Variants in SPAG16 observed in about 807,000 individuals in gnomAD.
The protein encoded by SPAG16 is sperm associated antigen 16.
In SPAG16, 86 loss-of-function variants were observed where a neutral mutation model predicts 80.4. The observed-to-expected ratio is 1.07, with a 90% CI of 0.90 to 1.28. The LOEUF is 1.28. Among genes scored for constraint, SPAG16 ranks in the 50% most tolerant of loss-of-function variants. SPAG16 has a pLI of 0.00. For missense variants in SPAG16, 870 were observed against 765.3 expected, an observed-to-expected ratio of 1.14 and a Z score of -1.61; for synonymous variants, 294 against 265.9, an observed-to-expected ratio of 1.11 and a Z score of -1.03.
chr2:213,310,458 C>T (rs1438146605), intron 4 of SPAG16, among the ~76,000 whole-genome samples: 2 of 151,764 alleles, frequency 1.3e-5, no homozygotes, highest in Admixed American at 6.6e-5. Flanking sequence ...AAAATCAAGA[C>T]ACTTGAATAT....
At chr2:213,946,411 C>A (rs2079476143) in intron 12 of SPAG16, among the ~76,000 whole-genome samples, 1 of 152,032 alleles carries the variant, frequency 6.6e-6, no homozygotes, top group Non-Finnish European at 1.5e-5. Flanking sequence ...CTGTGCCCGG[C>A]CTGTTGGGGA....
At chr2:213,738,607 A>G (rs1049582818) in intron 10 of SPAG16, among the ~76,000 whole-genome samples, 9 of 152,240 alleles carry the variant, frequency 5.9e-5, no homozygotes, top group Non-Finnish European at 4.4e-5. Context: ...CAGAGGTGCC[A>G]TAAGACATTA....
Position 214,384,032 on chromosome 2 carries a change from G to A in SPAG16, c.1721-26108G>A, listed in dbSNP as rs866778335. On this transcript the variant is annotated intron_variant, in intron 15 of 15. Transcript: ENST00000331683. Reference sequence around the variant, plus strand: ...ATATTTAAGACACTGGACCCAGAACGCTTATGATAGCATTGTTATTTTGAA... The same window carrying A: ...ATATTTAAGACACTGGACCCAGAACACTTATGATAGCATTGTTATTTTGAA... Among the ~76,000 whole-genome samples, 38 of 152,236 alleles carry A rather than the reference G, an allele frequency of 2.5e-4. No individual in the cohort carries two copies. The Middle Eastern group carries it at 0.02, about 82-fold the overall frequency.
At chr2:213,964,985 T>C (rs977032866) in intron 12 of SPAG16, among the ~76,000 whole-genome samples, 1 of 152,254 alleles carries the variant, frequency 6.6e-6, no homozygotes, top group Admixed American at 6.5e-5. Context: ...TTGGGTCCTT[T>C]CTCTTGCCAT....
At chr2:214,375,805 A>T (rs1464210713) in intron 15 of SPAG16, among the ~76,000 whole-genome samples, 1 of 152,082 alleles carries the variant, frequency 6.6e-6, no homozygotes, top group African/African-American at 2.4e-5. Flanking sequence ...ACATATCTAC[A>T]GTTGGTAATG....
intron 15 of SPAG16, among the ~76,000 whole-genome samples, chr2:214,230,619 A>G (rs1351734411): frequency 6.6e-6 from 1 of 152,036 alleles, no homozygotes; most frequent in Non-Finnish European, 1.5e-5. Flanking sequence ...GCAGGGAATT[A>G]AAATGCACCT....
intron 9 of SPAG16, among the ~76,000 whole-genome samples, chr2:213,473,750 C>G: frequency 6.6e-6 from 1 of 152,206 alleles, no homozygotes; most frequent in East Asian, 1.9e-4. Flanking sequence ...TATTATCCCA[C>G]ACCCTTAATA....
chr2:213,434,781 C>A (rs1394160904), intron 9 of SPAG16, among the ~76,000 whole-genome samples: 1 of 152,002 alleles, frequency 6.6e-6, no homozygotes, highest in Non-Finnish European at 1.5e-5. Context: ...CAGAATATGG[C>A]CAGTTATAAA....
chr2:214,164,917 A>G lies in SPAG16; in HGVS notation c.1720+15651A>G, dbSNP rs535353510. Among the ~76,000 whole-genome samples the G allele has an allele frequency of 1.5e-4, 23 of 152,244 alleles. 1 individual carries two copies. The highest frequency in any genetic ancestry group is 5.5e-4 in the African/African-American group (23 of 41,580). On this transcript the variant is annotated intron_variant, in intron 15 of 15. Coordinates refer to ENST00000331683, the MANE Select transcript of SPAG16 (RefSeq NM_024532.5). The stretch of plus-strand genomic sequence containing the variant: ...AGACAGCAATTAATAATATCATGTA[A>G]TGAAAAATTTTGTAAACTACTCTTA...
intron 13 of SPAG16, among the ~76,000 whole-genome samples, chr2:214,033,605 A>C (rs764139621): frequency 2.0e-5 from 3 of 152,208 alleles, no homozygotes; most frequent in Non-Finnish European, 4.4e-5. Context: ...ATTTAGACAT[A>C]GGTCCAGTCT....
chr2:214,362,592 T>G (rs1032062764), intron 15 of SPAG16, among the ~76,000 whole-genome samples: 1 of 151,888 alleles, frequency 6.6e-6, no homozygotes, highest in East Asian at 1.9e-4. Flanking sequence ...TGCCAATTGT[T>G]TCCTCCTCAC....
At chr2:213,657,839 A>G (rs1008190071) in intron 10 of SPAG16, among the ~76,000 whole-genome samples, 2 of 152,196 alleles carry the variant, frequency 1.3e-5, no homozygotes, top group Non-Finnish European at 2.9e-5. Flanking sequence ...TTTAGAAGAA[A>G]CAGAAGAATG....
intron 13 of SPAG16, among the ~76,000 whole-genome samples, chr2:214,077,477 T>C (rs2051138275): frequency 6.6e-6 from 1 of 152,340 alleles, no homozygotes; most frequent in African/African-American, 2.4e-5. Context: ...GGAAAGGGCA[T>C]TATTTCAGAT....
chr2:213,472,547 A>AT (rs927749126), intron 9 of SPAG16, among the ~76,000 whole-genome samples: 11 of 152,150 alleles, frequency 7.2e-5, no homozygotes, highest in Non-Finnish European at 1.3e-4. Context: ...TCAATTTACT[A>AT]TTTTTCTAGG....
intron 12 of SPAG16, among the ~76,000 whole-genome samples, chr2:213,945,198 G>GTA (rs951634406): frequency 8.0e-5 from 12 of 149,170 alleles, no homozygotes; most frequent in African/African-American, 3.0e-4. Flanking sequence ...ATCTTTTTAT[G>GTA]TATATATATG....
intron 10 of SPAG16, among the ~76,000 whole-genome samples, chr2:213,547,112 TTAAG>T (rs2076636621): frequency 6.6e-6 from 1 of 152,100 alleles, no homozygotes; most frequent in Non-Finnish European, 1.5e-5. Flanking sequence ...CTTTTTCTAT[TTAAG>T]TAATAACCTC....
chr2:214,141,633 G>T (rs1378160190), intron 14 of SPAG16, among the ~76,000 whole-genome samples: 1 of 152,070 alleles, frequency 6.6e-6, no homozygotes, highest in Non-Finnish European at 1.5e-5. Context: ...AAATGAAAAT[G>T]CATTCAATCC....
intron 13 of SPAG16, among the ~76,000 whole-genome samples, chr2:214,020,593 G>C (rs2047813778): frequency 1.3e-5 from 2 of 152,028 alleles, no homozygotes; most frequent in South Asian, 4.2e-4. Flanking sequence ...TCTATGATTG[G>C]ATTTAGCAGC....
intron 12 of SPAG16, among the ~76,000 whole-genome samples, chr2:213,988,433 C>T (rs1016514765): frequency 7.9e-5 from 12 of 151,986 alleles, no homozygotes; most frequent in Admixed American, 1.3e-4. Flanking sequence ...AATTAGAAAT[C>T]GATAAAGATA....
Sources: gnomAD v4.1 joint callset for allele counts (sites outside exome capture counted in the v4.1 genomes callset) on GRCh38, gnomAD v4.1.1 for gene constraint, MANE v1.5 for transcripts, NCBI Gene and HGNC (gene_info 2026-07-23, HGNC 2026-07-21) for gene names.